ZFX: variants seen among roughly 807,000 people sequenced by gnomAD.
ZFX encodes zinc finger protein X-linked.
For synonymous variants in ZFX, 196 were observed against 226.8 expected (o/e 0.86, Z 1.22); for missense variants, 362 against 628.3 (o/e 0.58, Z 4.53).
intron 5 of ZFX, among the ~76,000 whole-genome samples, chrX:24,194,340 G>A (rs1170857320): frequency 1.8e-5 from 2 of 111,511 alleles, no homozygotes; most frequent in African/African-American, 6.5e-5. Flanking sequence ...TAATGTTGAT[G>A]AGAAAGAAAA....
intron 5 of ZFX, among the ~76,000 whole-genome samples, chrX:24,186,334 C>T (rs1485284345): frequency 9.0e-6 from 1 of 110,595 alleles, no homozygotes; most frequent in Non-Finnish European, 1.9e-5. Flanking sequence ...TGATGATGGG[C>T]CAGGTAAGGT....
At position 24,172,755 on chromosome X, in the gene ZFX, G is replaced by A. The variant is rs1313687712; in HGVS notation, c.13G>A (p.Gly5Arg). 1.7e-6 allele frequency: 2 copies of A among 1,199,893 alleles called. No individual in the cohort carries two copies. Among genetic ancestry groups the A allele is most frequent in the Non-Finnish European group, 2.2e-6 (2 of 891,067 alleles). Residue 5 changes from glycine (G) to arginine (R), a missense_variant, in exon 4 of 10, where the codon GGG becomes AGG. Gly to Arg is a moderately radical substitution (Grantham distance 125, BLOSUM62 -2). Coordinates refer to ENST00000304543, the MANE Select transcript of ZFX (RefSeq NM_003410.4). MDED[G>R]LELQQEPNSF... ...AGAATTAAAGGCCATGGATGAAGAT[G>A]GGCTTGAATTACAACAAGAGCCAAA...
intron 4 of ZFX, among the ~76,000 whole-genome samples, chrX:24,174,349 G>T (rs1203533401): frequency 9.0e-6 from 1 of 110,862 alleles, no homozygotes; most frequent in East Asian, 2.8e-4. Flanking sequence ...TAAAGAAATA[G>T]CAATCAACTT....
At chrX:24,156,133 G>C (rs1365697785) in intron 3 of ZFX, among the ~76,000 whole-genome samples, 3 of 112,141 alleles carry the variant, frequency 2.7e-5, no homozygotes, top group African/African-American at 9.7e-5. Flanking sequence ...CTGACCTCAA[G>C]TGATCGGCCC....
At chrX:24,173,728 G>A in intron 4 of ZFX, 1 of 464,604 alleles carries the variant, frequency 2.2e-6, no homozygotes, top group Non-Finnish European at 3.6e-6. Flanking sequence ...CTACAGGTGT[G>A]TGCCACAATG....
At chrX:24,187,321 G>C (rs1031852217) in intron 5 of ZFX, among the ~76,000 whole-genome samples, 4 of 111,243 alleles carry the variant, frequency 3.6e-5, no homozygotes, top group South Asian at 3.8e-4. Flanking sequence ...TTCTCTCTCT[G>C]TGTCTCTCTC....
intron 5 of ZFX, among the ~76,000 whole-genome samples, chrX:24,198,927 T>C (rs1601945637): frequency 9.0e-6 from 1 of 111,264 alleles, no homozygotes; most frequent in Non-Finnish European, 1.9e-5. Context: ...TGTTGGTACA[T>C]AGATGAAATT....
rs188687104 is a variant in ZFX at position 24,182,382 on chromosome X, A to G, written c.646+2612A>G. Among the ~76,000 whole-genome samples the G allele has an allele frequency of 9.2e-3, 1,031 of 111,621 alleles. 11 individuals carry two copies. Among genetic ancestry groups the G allele is most frequent in the African/African-American group, 0.031 (964 of 30,747 alleles). ...TGAGAGTGTCAAGTATGGCTCCTTT[A>G]GGTATTTAAGAAGTAGGCAGAAAAG... On this transcript the variant is annotated intron_variant, in intron 5 of 9. Coordinates refer to ENST00000304543, the MANE Select transcript of ZFX (RefSeq NM_003410.4).
intron 4 of ZFX, among the ~76,000 whole-genome samples, chrX:24,176,797 C>T (rs1292944903): frequency 9.0e-6 from 1 of 111,362 alleles, no homozygotes; most frequent in Non-Finnish European, 1.9e-5. Flanking sequence ...GACACATAGT[C>T]ATTGAGTTAG....
upstream of ZFX, chrX:24,149,557 G>C (rs1931708551): frequency 9.0e-6 from 1 of 111,310 alleles, no homozygotes; most frequent in Non-Finnish European, 1.9e-5. Flanking sequence ...GGACCCACCG[G>C]GCGGAGGAGG....
At chrX:24,161,440 G>C (rs747415112) in intron 3 of ZFX, among the ~76,000 whole-genome samples, 14 of 111,688 alleles carry the variant, frequency 1.3e-4, no homozygotes, top group Non-Finnish European at 2.1e-4. Flanking sequence ...GAATGGCAAA[G>C]GCAATCTTGA....
chrX:24,186,166 G>A lies in ZFX; in HGVS notation c.646+6396G>A, dbSNP rs1025204407. Reference sequence around the variant, plus strand: ...ATATTTATTAAACACTCTATCTTTAGGTCAGAAATGTGGCCAGATGTCCAA... The same window carrying A: ...ATATTTATTAAACACTCTATCTTTAAGTCAGAAATGTGGCCAGATGTCCAA... On this transcript the variant is annotated intron_variant, in intron 5 of 9. Coordinates refer to ENST00000304543, the MANE Select transcript of ZFX (RefSeq NM_003410.4). Among the ~76,000 whole-genome samples, 34 of 111,024 alleles carry A rather than the reference G, an allele frequency of 3.1e-4. 1 individual carries two copies. Among genetic ancestry groups the A allele is most frequent in the African/African-American group, 1.1e-3 (34 of 30,494 alleles).
chrX:24,190,429 A>G (rs761218878), intron 5 of ZFX, among the ~76,000 whole-genome samples: 1 of 112,289 alleles, frequency 8.9e-6, no homozygotes, highest in South Asian at 3.7e-4. Context: ...TTTCAGTATA[A>G]TGTTCAATCT....
At position 24,215,185 on chromosome X, in the gene ZFX, A is replaced by G. The variant is rs1938381835; in HGVS notation, c.*3809A>G. The G allele has an allele frequency of 8.9e-6, 1 of 112,069 alleles. No individual in the cohort carries two copies. Among genetic ancestry groups the G allele is most frequent in the Admixed American group, 9.5e-5 (1 of 10,526 alleles). 9.2% of individuals were successfully genotyped at this position (112,069 alleles called of 1,213,427 possible). A position where few individuals can be genotyped will look rare whatever the true frequency, so the allele number is the denominator to read the frequency against. On this transcript the variant is annotated 3_prime_UTR_variant, in exon 10 of 10. Coordinates refer to ENST00000304543, the MANE Select transcript of ZFX (RefSeq NM_003410.4). ...TGCTGAAAAACTTTTGTAATGGAAC[A>G]CCCAACAAATGACACCTAACCTGTC...
chrX:24,188,782 C>G (rs752311264), intron 5 of ZFX, among the ~76,000 whole-genome samples: 1 of 111,826 alleles, frequency 8.9e-6, no homozygotes, highest in Non-Finnish European at 1.9e-5. Flanking sequence ...AAGTACATTT[C>G]GGAAGGTTAT....
At chrX:24,180,531 A>G (rs1335513450) in intron 5 of ZFX, among the ~76,000 whole-genome samples, 5 of 110,004 alleles carry the variant, frequency 4.5e-5, no homozygotes, top group African/African-American at 1.7e-4. Context: ...GTAGGCACGC[A>G]CCACCACGCC....
At chrX:24,194,815 C>T (rs1484217067) in intron 5 of ZFX, among the ~76,000 whole-genome samples, 1 of 104,479 alleles carries the variant, frequency 9.6e-6, no homozygotes, top group Non-Finnish European at 2.0e-5. Flanking sequence ...GGTGCTATCT[C>T]GGGTTACTGC....
At chrX:24,188,103 C>T (rs1337967315) in intron 5 of ZFX, among the ~76,000 whole-genome samples, 1 of 108,852 alleles carries the variant, frequency 9.2e-6, no homozygotes, top group Non-Finnish European at 1.9e-5. Flanking sequence ...ATACGGGAGG[C>T]AGAGGTTGCA....
rs1361095106 is a variant in ZFX, at chrX:24,179,192, G to C, written c.68G>C (p.Gly23Ala). Residue 23 changes from glycine to alanine, a missense_variant, in exon 5 of 10, where the codon GGT becomes GCT. Transcript: ENST00000304543. ...TAATTTTTTTTTTAAGGAGCTGATGGTACACACATGGATGGTGATCAAATT... is the reference window on the plus strand; with the variant it reads ...TAATTTTTTTTTTAAGGAGCTGATGCTACACACATGGATGGTGATCAAATT... Reference protein sequence around the residue: ...NSFFDATGADGTHMDGDQIVV... With the variant: ...NSFFDATGADATHMDGDQIVV... 1 of 1,208,506 alleles carries C rather than the reference G, an allele frequency of 8.3e-7. No homozygotes were observed. Among genetic ancestry groups the C allele is most frequent in the South Asian group, 1.8e-5 (1 of 56,548 alleles).
Sources: gnomAD v4.1 joint callset for allele counts (sites outside exome capture counted in the v4.1 genomes callset) on GRCh38, gnomAD v4.1.1 for gene constraint, MANE v1.5 for transcripts, NCBI Gene and HGNC (gene_info 2026-07-23, HGNC 2026-07-21) for gene names.